The following PLXDC2 variants were observed in gnomAD, a reference collection of about 807,000 sequenced individuals.
PLXDC2 encodes plexin domain containing 2.
PLXDC2 carries 40 observed loss-of-function variants against 68.9 expected under a neutral mutation model. The observed-to-expected ratio is 0.58, with a 90% confidence interval of 0.45 to 0.76. PLXDC2 has a LOEUF of 0.76. Ranked by LOEUF, PLXDC2 falls within the 30% of genes least tolerant of loss-of-function variation. PLXDC2 has a pLI of 0.00. For missense variants in PLXDC2, 644 were observed against 661.9 expected (o/e 0.97, Z 0.30); for synonymous variants, 243 against 234.2 (o/e 1.04, Z -0.34).
At chr10:20,250,714 G>A (rs1005909059) in intron 13 of PLXDC2, among the ~76,000 whole-genome samples, 3 of 152,112 alleles carry the variant, frequency 2.0e-5, no homozygotes, top group Non-Finnish European at 2.9e-5. Context: ...TGATATACAT[G>A]CAAGGACATA....
At chr10:20,033,323 A>G (rs1192776045) in intron 2 of PLXDC2, among the ~76,000 whole-genome samples, 1 of 152,198 alleles carries the variant, frequency 6.6e-6, no homozygotes, top group African/African-American at 2.4e-5. Context: ...CCCTAATTCA[A>G]TATTCTTGAT....
chr10:19,851,105 A>G (rs2131326248), intron 1 of PLXDC2, among the ~76,000 whole-genome samples: 1 of 152,324 alleles, frequency 6.6e-6, no homozygotes, highest in South Asian at 2.1e-4. Context: ...AAGGGTAATA[A>G]ATAGTGATGT....
At chr10:20,235,443 A>G (rs1165429829) in intron 12 of PLXDC2, among the ~76,000 whole-genome samples, 2 of 152,264 alleles carry the variant, frequency 1.3e-5, no homozygotes, top group African/African-American at 4.8e-5. Flanking sequence ...CACTAACAAC[A>G]TTAATACAAC....
intron 13 of PLXDC2, among the ~76,000 whole-genome samples, chr10:20,256,228 G>T (rs1835740640): frequency 6.6e-6 from 1 of 151,896 alleles, no homozygotes; most frequent in South Asian, 2.1e-4. Context: ...TGCCTCCTGT[G>T]TTCAAGCAAT....
At chr10:19,892,588 TAACTC>T (rs1332412005) in intron 1 of PLXDC2, among the ~76,000 whole-genome samples, 2 of 152,250 alleles carry the variant, frequency 1.3e-5, no homozygotes, top group African/African-American at 4.8e-5. Flanking sequence ...TGTAAATTCT[TAACTC>T]AGATAGTTCC....
intron 1 of PLXDC2, among the ~76,000 whole-genome samples, chr10:19,987,585 G>A (rs1200714636): frequency 2.0e-5 from 3 of 149,770 alleles, no homozygotes; most frequent in African/African-American, 4.9e-5. Flanking sequence ...TTTTTGCGGC[G>A]GAATCTCGTT....
At chr10:20,067,115 T>C (rs1317236245) in intron 3 of PLXDC2, among the ~76,000 whole-genome samples, 3 of 152,224 alleles carry the variant, frequency 2.0e-5, no homozygotes, top group Non-Finnish European at 4.4e-5. Flanking sequence ...GGATTTTTAA[T>C]ATGTTTTGGG....
At chr10:20,037,565 C>T (rs544122794) in intron 2 of PLXDC2, among the ~76,000 whole-genome samples, 31 of 151,664 alleles carry the variant, frequency 2.0e-4, no homozygotes, top group Non-Finnish European at 3.7e-4. Context: ...AAGGTTTGTA[C>T]CAGGGAGTAG....
chr10:20,062,016 T>G (rs895020954), intron 3 of PLXDC2, among the ~76,000 whole-genome samples: 11 of 152,258 alleles, frequency 7.2e-5, no homozygotes, highest in Non-Finnish European at 1.5e-5. Context: ...CATATTGTTA[T>G]ACTTCATTGA....
At chr10:19,904,137 A>G (rs937833911) in intron 1 of PLXDC2, among the ~76,000 whole-genome samples, 1 of 152,072 alleles carries the variant, frequency 6.6e-6, no homozygotes. Flanking sequence ...CCATGTGCTG[A>G]TGAATCTAAT....
intron 3 of PLXDC2, among the ~76,000 whole-genome samples, chr10:20,049,519 T>C (rs771507711): frequency 1.3e-5 from 2 of 152,034 alleles, no homozygotes; most frequent in Non-Finnish European, 2.9e-5. Context: ...AGTTTCAGGA[T>C]ACAAAATAAA....
At chr10:20,123,444 C>G (rs900308581) in intron 4 of PLXDC2, among the ~76,000 whole-genome samples, 1 of 152,130 alleles carries the variant, frequency 6.6e-6, no homozygotes, top group African/African-American at 2.4e-5. Context: ...TTATTTAGAT[C>G]TTGTAAGATG....
At chr10:20,149,236 T>C (rs1834120555) in intron 6 of PLXDC2, among the ~76,000 whole-genome samples, 4 of 124,540 alleles carry the variant, frequency 3.2e-5, no homozygotes, top group East Asian at 2.3e-4. Flanking sequence ...TTTCTTTTTT[T>C]TTTTTTTTTT....
chr10:20,043,852 G>T (rs146281691), intron 2 of PLXDC2, among the ~76,000 whole-genome samples: 51 of 151,922 alleles, frequency 3.4e-4, no homozygotes, highest in Non-Finnish European at 7.2e-4. Flanking sequence ...TTCAGTGAAT[G>T]ATATAAAGTG....
chr10:20,116,080 CTCT>C (rs1833617377), intron 4 of PLXDC2, among the ~76,000 whole-genome samples: 1 of 152,200 alleles, frequency 6.6e-6, no homozygotes, highest in African/African-American at 2.4e-5. Context: ...CACGCTGCTC[CTCT>C]ACAAAAGCTG....
intron 1 of PLXDC2, among the ~76,000 whole-genome samples, chr10:19,860,934 C>G (rs780999268): frequency 7.9e-5 from 12 of 152,082 alleles, no homozygotes; most frequent in Non-Finnish European, 1.8e-4. Context: ...TTCTCAACAT[C>G]TCTTAAATTT....
At chr10:19,850,151 A>G (rs1837086869) in intron 1 of PLXDC2, among the ~76,000 whole-genome samples, 1 of 152,184 alleles carries the variant, frequency 6.6e-6, no homozygotes, top group Non-Finnish European at 1.5e-5. Flanking sequence ...ATGCTATTTA[A>G]TGCTAACCAC....
intron 1 of PLXDC2, among the ~76,000 whole-genome samples, chr10:19,850,061 A>C (rs573476458): frequency 6.6e-6 from 1 of 152,282 alleles, no homozygotes; most frequent in South Asian, 2.1e-4. Flanking sequence ...GGTGGTAGTC[A>C]GTAACTGTCA....
chr10:19,935,574 C>T (rs1028975741), intron 1 of PLXDC2, among the ~76,000 whole-genome samples: 1 of 152,160 alleles, frequency 6.6e-6, no homozygotes, highest in African/African-American at 2.4e-5. Flanking sequence ...TGGCTATTCC[C>T]ATCAGTGGTT....
Sources: gnomAD v4.1 joint callset for allele counts (sites outside exome capture counted in the v4.1 genomes callset) on GRCh38, gnomAD v4.1.1 for gene constraint, MANE v1.5 for transcripts, NCBI Gene and HGNC (gene_info 2026-07-23, HGNC 2026-07-21) for gene names.